GPER1: variants seen among roughly 807,000 people sequenced by gnomAD.
GPER1 encodes the protein G protein-coupled receptor 30.
In GPER1, 2 loss-of-function variants were observed where a neutral mutation model predicts 0.6. That is an observed-to-expected ratio of 3.41 (90% CI 1.39 to 10.72). GPER1 has a LOEUF of 10.72. Ranked by LOEUF, GPER1 falls within the 30% of genes most tolerant of loss-of-function variation. The pLI, the probability that GPER1 is intolerant of heterozygous loss-of-function variation, is 0.04. For synonymous variants in GPER1, 263 were observed against 247.6 expected (o/e 1.06, Z -0.58); for missense variants, 441 against 535.2 (o/e 0.82, Z 1.74).
In GPER1 at chr7:1,093,648, G is replaced by A; in HGVS notation, c.*792G>A. 1 of 471,292 alleles carries A rather than the reference G, an allele frequency of 2.1e-6. No individual in the cohort carries two copies. The highest frequency in any genetic ancestry group is 4.4e-6 in the Non-Finnish European group (1 of 227,082). 29.2% of individuals were successfully genotyped at this position (471,292 alleles called of 1,614,324 possible). A position where few individuals can be genotyped will look rare whatever the true frequency, so the allele number is the denominator to read the frequency against. ...GCCGTGTGGGTTAGTCGGGTGCCAG[G>A]ACAATGAAATACTCCAGCACCTGTG... is the stretch of plus-strand genomic sequence containing the variant. On this transcript the variant is annotated 3_prime_UTR_variant, in exon 2 of 2. Coordinates refer to ENST00000397088, the MANE Select transcript of GPER1 (RefSeq NM_001098201.3).
intron 1 of GPER1, among the ~76,000 whole-genome samples, chr7:1,089,880 C>T (rs1787777493): frequency 6.6e-6 from 1 of 151,670 alleles, no homozygotes; most frequent in Non-Finnish European, 1.5e-5. Context: ...GTCAGAAGTT[C>T]GATACAAGCC....
In GPER1 at chr7:1,093,706, T is replaced by C. The variant is rs990711695; in HGVS notation, c.*850T>C. The C allele has an allele frequency of 2.1e-6, 1 of 467,942 alleles. No homozygotes were observed. Among genetic ancestry groups the C allele is most frequent in the African/African-American group, 2.0e-5 (1 of 50,042 alleles). The allele number at this position is 467,942 out of a possible 1,614,324, so 29.0% of individuals were successfully genotyped here. A position where few individuals can be genotyped will look rare whatever the true frequency, so the allele number is the denominator to read the frequency against. On this transcript the variant is annotated 3_prime_UTR_variant, in exon 2 of 2. Coordinates refer to ENST00000397088, the MANE Select transcript of GPER1 (RefSeq NM_001098201.3). The stretch of plus-strand genomic sequence containing the variant: ...AATTTGTTTCTACAGAAATAACAGC[T>C]GGGGACAACTGCGGTGATGATGTAA...
rs553077629 is a variant in GPER1, at chr7:1,090,412, G to A, written c.-322-995G>A. ...CGGGACCCTCCCCACTGGCGGCAGA[G>A]CCGGGGTGACACGGGGCAGGTGACA... On this transcript the variant is annotated intron_variant, in intron 1 of 1. Transcript: ENST00000397088. Among the ~76,000 whole-genome samples, 27 of 152,292 alleles carry A rather than the reference G, an allele frequency of 1.8e-4. No individual in the cohort carries two copies. In the South Asian group the frequency reaches 5.2e-3, roughly 29 times the overall value.
Position 1,092,311 on chromosome 7 carries a change from G to A in GPER1, c.583G>A (p.Ala195Thr), listed in dbSNP as rs141830499. The A allele has an allele frequency of 1.7e-4, 276 of 1,611,478 alleles. No homozygotes were observed. The highest frequency in any genetic ancestry group is 2.1e-4 in the Non-Finnish European group (247 of 1,179,666). Residue 195 changes from alanine to threonine, a missense_variant, in exon 2 of 2, where the codon GCC (alanine) becomes ACC (threonine). Ala to Thr is a moderately conservative substitution (Grantham distance 58, BLOSUM62 0). Transcript: ENST00000397088. ...SVSATLVPFT[A>T]VHLQHTDEAC... The stretch of plus-strand genomic sequence containing the variant: ...GTCAGCCACGCTGGTGCCCTTCACC[G>A]CCGTGCACCTGCAGCACACCGACGA...
In GPER1 at chr7:1,092,649, C is replaced by T; in HGVS notation, c.921C>T (p.His307=). ...GCCATGCCCACCCCCTCACGGGCCA[C>T]ATTGTCAACCTCGCCGCCTTCTCCA... is the stretch of plus-strand genomic sequence containing the variant. The part of the protein sequence containing the change: ...SFRHAHPLTG[H]IVNLAAFSNS... The change falls in exon 2 of 2, where the codon CAC becomes CAT. Residue 307 remains histidine, a synonymous_variant. Transcript: ENST00000397088. 5 of 1,613,062 alleles carry T rather than the reference C, an allele frequency of 3.1e-6. No homozygotes were observed. Among genetic ancestry groups the T allele is most frequent in the Non-Finnish European group, 4.2e-6 (5 of 1,180,010 alleles).
intron 1 of GPER1, among the ~76,000 whole-genome samples, chr7:1,089,426 G>A (rs575868345): frequency 2.1e-3 from 135 of 63,882 alleles, no homozygotes; most frequent in African/African-American, 0.01. Context: ...GTGTGATCTC[G>A]GCTGAGGCTC....
chr7:1,092,325 G>A lies in GPER1; in HGVS notation c.597G>A (p.Gln199=), dbSNP rs1262701344. 1.9e-6 allele frequency: 3 copies of A among 1,611,484 alleles called. No individual in the cohort carries two copies. The highest frequency in any genetic ancestry group is 2.5e-6 in the Non-Finnish European group (3 of 1,179,496). The change falls in exon 2 of 2, where the codon CAG becomes CAA. Residue 199 remains glutamine (Q), a synonymous_variant. Coordinates refer to ENST00000397088, the MANE Select transcript of GPER1 (RefSeq NM_001098201.3). ...TLVPFTAVHL[Q]HTDEACFCFA... ...TGCCCTTCACCGCCGTGCACCTGCA[G>A]CACACCGACGAGGCCTGCTTCTGTT...
At position 1,093,345 on chromosome 7, in the gene GPER1, T is replaced by C. The variant is rs1383339560; in HGVS notation, c.*489T>C. ...CTGAGCTGGACGTCGCGGTGTGTCC[T>C]CTGTGCCCACGGTCTGAGCTAGCTA... On this transcript the variant is annotated 3_prime_UTR_variant, in exon 2 of 2. Transcript: ENST00000397088. The C allele has an allele frequency of 4.7e-6, 2 of 424,140 alleles. No homozygotes were observed. The highest frequency in any genetic ancestry group is 1.0e-5 in the Non-Finnish European group (2 of 200,808). The allele number at this position is 424,140 out of a possible 1,614,324, so 26.3% of individuals were successfully genotyped here.
chr7:1,091,491 GGCCC>G lies in GPER1; in HGVS notation c.-237_-234del. 2 of 494,342 alleles carry G rather than the reference GGCCC, an allele frequency of 4.0e-6. No homozygotes were observed. Among genetic ancestry groups the G allele is most frequent in the African/African-American group, 1.9e-5 (1 of 51,902 alleles). The allele number at this position is 494,342 out of a possible 1,614,324, so 30.6% of individuals were successfully genotyped here. A position where few individuals can be genotyped will look rare whatever the true frequency, so the allele number is the denominator to read the frequency against. On this transcript the variant is annotated 5_prime_UTR_variant, in exon 2 of 2. Coordinates refer to ENST00000397088, the MANE Select transcript of GPER1 (RefSeq NM_001098201.3). ...ACGCCCGCCGGACGAGCACGCGGAG[GGCCC>G]TCGCCTCCACGGATGCACCATGCCG... is the stretch of plus-strand genomic sequence containing the variant.
At chr7:1,091,342 G>A (rs907871800) in intron 1 of GPER1, 65 bp from the exon 2 acceptor site, 1 of 183,398 alleles carries the variant, frequency 5.5e-6, no homozygotes, top group Non-Finnish European at 1.1e-5. Context: ...GGCCAGGGGA[G>A]CCAGGCCTTG....
In GPER1 at chr7:1,091,488, G is replaced by T; in HGVS notation, c.-241G>T. 2.0e-6 allele frequency: 1 copy of T among 499,752 alleles called. No homozygotes were observed. The allele number at this position is 499,752 out of a possible 1,614,324, so 31.0% of individuals were successfully genotyped here. A position where few individuals can be genotyped will look rare whatever the true frequency, so the allele number is the denominator to read the frequency against. On this transcript the variant is annotated 5_prime_UTR_variant, in exon 2 of 2. Transcript: ENST00000397088. ...GGGACGCCCGCCGGACGAGCACGCGGAGGGCCCTCGCCTCCACGGATGCAC... is the reference window on the plus strand; with the variant it reads ...GGGACGCCCGCCGGACGAGCACGCGTAGGGCCCTCGCCTCCACGGATGCAC...
In GPER1 at chr7:1,092,709, CG is replaced by C; in HGVS notation, c.985del (p.Glu329ArgfsTer7). On this transcript the variant is annotated frameshift_variant, in exon 2 of 2. Coordinates refer to ENST00000397088, the MANE Select transcript of GPER1 (RefSeq NM_001098201.3). LOFTEE classifies it high-confidence loss of function. ...CLNPLIYSFL[G>X]ETFRDKLRLY... ...TAAACCCCCTCATCTACAGCTTTCTCGGGGAGACCTTCAGGGACAAGCTGAG... is the reference window on the plus strand; with the variant it reads ...TAAACCCCCTCATCTACAGCTTTCTCGGGAGACCTTCAGGGACAAGCTGAG... The C allele has an allele frequency of 6.2e-7, 1 of 1,613,522 alleles. No homozygotes were observed. Among genetic ancestry groups the C allele is most frequent in the Non-Finnish European group, 8.5e-7 (1 of 1,180,018 alleles).
intron 1 of GPER1, among the ~76,000 whole-genome samples, chr7:1,089,823 C>T (rs1213311032): frequency 6.6e-6 from 1 of 151,552 alleles, no homozygotes; most frequent in Non-Finnish European, 1.5e-5. Context: ...TGGATCACAC[C>T]TGTAATCCCA....
At position 1,092,935 on chromosome 7, in the gene GPER1, G is replaced by A. The variant is rs753928156; in HGVS notation, c.*79G>A. On this transcript the variant is annotated 3_prime_UTR_variant, in exon 2 of 2. Transcript: ENST00000397088. ...CTGGGTGGACACAAGGCACGGCCAC[G>A]TCATGTCTCTAAACTGCGGTCAGAT... The A allele has an allele frequency of 3.6e-5, 48 of 1,339,030 alleles. No individual in the cohort carries two copies. Among genetic ancestry groups the A allele is most frequent in the East Asian group, 3.4e-4 (14 of 41,176 alleles). The allele number at this position is 1,339,030 out of a possible 1,614,324, so 82.9% of individuals were successfully genotyped here. A position where few individuals can be genotyped will look rare whatever the true frequency, so the allele number is the denominator to read the frequency against.
In GPER1 at chr7:1,092,256, G is replaced by A; in HGVS notation, c.528G>A (p.Leu176=). Residue 176 remains leucine (L), a synonymous_variant, in exon 2 of 2, where the codon CTG becomes CTA. Coordinates refer to ENST00000397088, the MANE Select transcript of GPER1 (RefSeq NM_001098201.3). ...SLFRTKHHAR[L]SCGLIWMASV... ...TCCGCACCAAGCACCACGCCCGGCT[G>A]AGCTGTGGCCTCATCTGGATGGCAT... is the stretch of plus-strand genomic sequence containing the variant. 6.2e-7 allele frequency: 1 copy of A among 1,612,356 alleles called. No homozygotes were observed. The highest frequency in any genetic ancestry group is 8.5e-7 in the Non-Finnish European group (1 of 1,180,026).
Position 1,092,069 on chromosome 7 carries a change from T to C in GPER1, c.341T>C (p.Ile114Thr), listed in dbSNP as rs759276305. 3 of 1,613,920 alleles carry C rather than the reference T, an allele frequency of 1.9e-6. No homozygotes were observed. The highest frequency in any genetic ancestry group is 2.2e-5 in the East Asian group (1 of 44,880). Reference sequence around the variant, plus strand: ...CTCATCCTGGTGGCCGACTCCCTCATTGAGGTGTTCAACCTGCACGAGCGG... The same window carrying C: ...CTCATCCTGGTGGCCGACTCCCTCACTGAGGTGTTCAACCTGCACGAGCGG... ...ADLILVADSL[I>T]EVFNLHERYY... Residue 114 changes from isoleucine (I) to threonine (T), a missense_variant, in exon 2 of 2, where the codon ATT becomes ACT. Coordinates refer to ENST00000397088, the MANE Select transcript of GPER1 (RefSeq NM_001098201.3).
rs1331613855 is a variant in GPER1 at position 1,093,360 on chromosome 7, T to G, written c.*504T>G. On this transcript the variant is annotated 3_prime_UTR_variant, in exon 2 of 2. Coordinates refer to ENST00000397088, the MANE Select transcript of GPER1 (RefSeq NM_001098201.3). ...CGGTGTGTCCTCTGTGCCCACGGTC[T>G]GAGCTAGCTAGCGCACCGCCGAGTT... The G allele has an allele frequency of 2.3e-6, 1 of 427,094 alleles. No homozygotes were observed. The highest frequency in any genetic ancestry group is 2.0e-5 in the African/African-American group (1 of 49,314). The allele number at this position is 427,094 out of a possible 1,614,324, so 26.5% of individuals were successfully genotyped here.
At chr7:1,090,606 G>A (rs1435028344) in intron 1 of GPER1, among the ~76,000 whole-genome samples, 1 of 147,666 alleles carries the variant, frequency 6.8e-6, no homozygotes, top group Non-Finnish European at 1.5e-5. Context: ...TGGCGGCAGA[G>A]CCAGGGTGAC....
rs1194462826 is a variant in GPER1, at chr7:1,093,693, CAGA to C, written c.*839_*841del. 1.3e-5 allele frequency: 6 copies of C among 468,922 alleles called. No homozygotes were observed. The highest frequency in any genetic ancestry group is 1.2e-4 in the African/African-American group (6 of 50,052). 29.0% of individuals were successfully genotyped at this position (468,922 alleles called of 1,614,324 possible). Reference sequence around the variant, plus strand: ...CCTGTGGCTGACGAATTTGTTTCTACAGAAATAACAGCTGGGGACAACTGCGGT... The same window carrying C: ...CCTGTGGCTGACGAATTTGTTTCTACAATAACAGCTGGGGACAACTGCGGT... On this transcript the variant is annotated 3_prime_UTR_variant, in exon 2 of 2. Transcript: ENST00000397088.
Sources: gnomAD v4.1 joint callset for allele counts (sites outside exome capture counted in the v4.1 genomes callset) on GRCh38, gnomAD v4.1.1 for gene constraint, MANE v1.5 for transcripts, NCBI Gene and HGNC (gene_info 2026-07-23, HGNC 2026-07-21) for gene names.